Variants in MEOX2 observed in about 807,000 individuals in gnomAD.
The protein encoded by MEOX2 is mesenchyme homeobox 2.
A neutral mutation model predicts 27.0 loss-of-function variants in MEOX2; 11 were observed. The observed-to-expected ratio is 0.41, with a 90% CI of 0.26 to 0.68. The LOEUF is 0.68. Ranked by LOEUF, MEOX2 falls within the 30% of genes least tolerant of loss-of-function variation. The probability of loss-of-function intolerance (pLI) is 0.33; values close to 1 mark genes in which losing one functional copy is unlikely to be tolerated. For synonymous variants in MEOX2, 189 were observed against 155.4 expected (o/e 1.22, Z -1.61); for missense variants, 436 against 385.4 (o/e 1.13, Z -1.10).
intron 1 of MEOX2, among the ~76,000 whole-genome samples, chr7:15,659,758 CA>C (rs58319551): frequency 0.027 from 1,452 of 54,220 alleles, 9 homozygotes; most frequent in African/African-American, 0.063. Flanking sequence ...AGACTGCTCT[CA>C]AAAAAAAAAA....
chr7:15,642,714 G>A (rs1488469935), intron 1 of MEOX2, among the ~76,000 whole-genome samples: 1 of 152,112 alleles, frequency 6.6e-6, no homozygotes, highest in African/African-American at 2.4e-5. Context: ...ATTTATGCTG[G>A]TTCCTTCTTA....
rs35223717 is a variant in MEOX2, at chr7:15,673,597, C to CAAA, written c.517+12286_517+12288dup. 4.7e-3 allele frequency among the ~76,000 whole-genome samples: 360 copies of CAAA among 76,114 alleles called. 2 individuals are homozygous for CAAA. Among genetic ancestry groups the CAAA allele is most frequent in the African/African-American group, 0.013 (252 of 19,612 alleles). 49.9% of individuals were successfully genotyped at this position (76,114 alleles called of 152,430 possible). On this transcript the variant is annotated intron_variant, in intron 1 of 2. Transcript: ENST00000262041. ...GAGGAATAGACATAAACAAGTCTATCAAAAAAAAAAAAAAAAAAAAAGATT... is the reference window on the plus strand; with the variant it reads ...GAGGAATAGACATAAACAAGTCTATCAAAAAAAAAAAAAAAAAAAAAAAAGATT...
At chr7:15,657,414 T>C (rs185468527) in intron 1 of MEOX2, among the ~76,000 whole-genome samples, 4 of 152,280 alleles carry the variant, frequency 2.6e-5, no homozygotes, top group African/African-American at 9.6e-5. Context: ...TATGGATAAT[T>C]TCTATGGTTC....
intron 1 of MEOX2, among the ~76,000 whole-genome samples, chr7:15,654,139 C>T (rs761869194): frequency 5.3e-5 from 8 of 151,850 alleles, no homozygotes; most frequent in Non-Finnish European, 1.2e-4. Context: ...TAGATTTATA[C>T]CTAAGATATT....
chr7:15,673,519 C>A (rs1469583226), intron 1 of MEOX2, among the ~76,000 whole-genome samples: 1 of 135,676 alleles, frequency 7.4e-6, no homozygotes, highest in East Asian at 2.3e-4. Context: ...TTACTTCTTA[C>A]AACTGAAGGT....
intron 1 of MEOX2, among the ~76,000 whole-genome samples, chr7:15,653,906 T>C (rs1388112683): frequency 6.6e-6 from 1 of 152,028 alleles, no homozygotes; most frequent in Non-Finnish European, 1.5e-5. Context: ...CTAGTGTCTC[T>C]GCTTTTCATA....
In MEOX2 at chr7:15,628,926, G is replaced by A. The variant is rs1430423307; in HGVS notation, c.518-2008C>T. 2.6e-5 allele frequency among the ~76,000 whole-genome samples: 4 copies of A among 152,178 alleles called. No individual in the cohort carries two copies. In the East Asian group the frequency reaches 5.8e-4, roughly 22 times the overall value. ...GCAAGACCTTCTCACAAGCATCCAC[G>A]TTCTCAGGTGAATTGAAAGAACTTT... On this transcript the variant is annotated intron_variant, in intron 1 of 2. Coordinates refer to ENST00000262041, the MANE Select transcript of MEOX2 (RefSeq NM_005924.5).
intron 1 of MEOX2, among the ~76,000 whole-genome samples, chr7:15,638,803 A>G (rs768505995): frequency 1.3e-5 from 2 of 152,102 alleles, no homozygotes; most frequent in Non-Finnish European, 2.9e-5. Flanking sequence ...GCTGTAGAGG[A>G]CAGGATTTGA....
At chr7:15,667,099 G>T (rs902423906) in intron 1 of MEOX2, among the ~76,000 whole-genome samples, 14 of 150,766 alleles carry the variant, frequency 9.3e-5, no homozygotes, top group Non-Finnish European at 1.9e-4. Flanking sequence ...AGACCATCCT[G>T]GCCAACAGGG....
chr7:15,627,906 A>T (rs7786092), intron 1 of MEOX2, among the ~76,000 whole-genome samples: 117,497 of 151,616 alleles, frequency 0.77, 45,802 homozygotes, highest in East Asian at 0.89. Flanking sequence ...ATAATCAAGA[A>T]AAAAGGGCAC....
chr7:15,613,766 A>G (rs578118725), intron 2 of MEOX2, among the ~76,000 whole-genome samples: 1 of 151,968 alleles, frequency 6.6e-6, no homozygotes, highest in Non-Finnish European at 1.5e-5. Flanking sequence ...CTATTTATTT[A>G]TTTTTTATCA....
intron 1 of MEOX2, among the ~76,000 whole-genome samples, chr7:15,641,798 G>A (rs901681150): frequency 6.6e-6 from 1 of 151,894 alleles, no homozygotes; most frequent in Non-Finnish European, 1.5e-5. Flanking sequence ...TTTCTTGAAG[G>A]TCTAGTCTCA....
chr7:15,621,413 T>G (rs559205870), intron 2 of MEOX2, among the ~76,000 whole-genome samples: 3 of 152,182 alleles, frequency 2.0e-5, no homozygotes, highest in African/African-American at 7.2e-5. Flanking sequence ...TTTTCCTTCT[T>G]TGGCCAGATG....
intron 1 of MEOX2, among the ~76,000 whole-genome samples, chr7:15,640,912 G>C (rs1781549384): frequency 6.6e-6 from 1 of 152,022 alleles, no homozygotes; most frequent in African/African-American, 2.4e-5. Context: ...TTGATATGTT[G>C]CCAGATTTGG....
At chr7:15,657,781 A>AT (rs1335956402) in intron 1 of MEOX2, among the ~76,000 whole-genome samples, 1 of 152,190 alleles carries the variant, frequency 6.6e-6, no homozygotes, top group Non-Finnish European at 1.5e-5. Context: ...CTGATGAGTG[A>AT]TTTTTTAACT....
At chr7:15,681,918 T>C (rs1782297689) in intron 1 of MEOX2, 1 of 151,788 alleles carries the variant, frequency 6.6e-6, no homozygotes, top group Non-Finnish European at 1.5e-5. Context: ...TATTCCTACT[T>C]TTATTTGCAT....
chr7:15,641,363 T>C (rs1046357643), intron 1 of MEOX2, among the ~76,000 whole-genome samples: 4 of 134,952 alleles, frequency 3.0e-5, no homozygotes, highest in African/African-American at 1.0e-4. Context: ...TCCTTGTTTT[T>C]TGTTTGTTTG....
intron 2 of MEOX2, among the ~76,000 whole-genome samples, chr7:15,616,388 G>A (rs1354227244): frequency 6.6e-6 from 1 of 151,678 alleles, no homozygotes; most frequent in Non-Finnish European, 1.5e-5. Context: ...TAAAATAAAT[G>A]GAGAAGGATT....
intron 1 of MEOX2, among the ~76,000 whole-genome samples, chr7:15,656,874 T>C (rs1040539839): frequency 6.6e-6 from 1 of 152,070 alleles, no homozygotes; most frequent in African/African-American, 2.4e-5. Flanking sequence ...TCTTTCTGGG[T>C]AGTCCTGCTA....
Sources: gnomAD v4.1 joint callset for allele counts (sites outside exome capture counted in the v4.1 genomes callset) on GRCh38, gnomAD v4.1.1 for gene constraint, MANE v1.5 for transcripts, NCBI Gene and HGNC (gene_info 2026-07-23, HGNC 2026-07-21) for gene names.